Variants in DCC observed in about 807,000 individuals in gnomAD.
DCC encodes the protein DCC netrin 1 receptor.
Under a neutral mutation model 172.5 loss-of-function variants are expected in DCC, and 58 were observed. The observed-to-expected ratio is 0.34, with a 90% CI of 0.27 to 0.42. The LOEUF (loss-of-function observed/expected upper bound fraction) is 0.42. Among genes scored for constraint, DCC ranks in the 10% least tolerant of loss-of-function variants. DCC has a pLI of 1.00. For synonymous variants in DCC, 709 were observed against 644.5 expected (o/e 1.10, Z -1.52); for missense variants, 1,740 against 1,791.0 (o/e 0.97, Z 0.51).
intron 15 of DCC, among the ~76,000 whole-genome samples, chr18:53,351,317 A>ATAT (rs1568074591): frequency 3.3e-4 from 8 of 23,912 alleles, no homozygotes; most frequent in South Asian, 2.5e-3. Context: ...ATATATATAC[A>ATAT]CTGTATATAT....
chr18:53,501,037 G>C (rs2046091647), intron 27 of DCC, among the ~76,000 whole-genome samples: 1 of 152,166 alleles, frequency 6.6e-6, no homozygotes, highest in Admixed American at 6.5e-5. Flanking sequence ...CCAAGAGTAT[G>C]CTTCCTTGTG....
intron 1 of DCC, among the ~76,000 whole-genome samples, chr18:52,712,250 C>T (rs1254798184): frequency 3.3e-5 from 5 of 151,960 alleles, no homozygotes; most frequent in Non-Finnish European, 2.9e-5. Flanking sequence ...TGAGGCATTG[C>T]GCCCAGCCTC....
At chr18:52,578,854 G>C (rs1461124251) in intron 1 of DCC, among the ~76,000 whole-genome samples, 12 of 152,058 alleles carry the variant, frequency 7.9e-5, no homozygotes, top group Admixed American at 7.9e-4. Flanking sequence ...AAAACAATTA[G>C]CCTGTAATCC....
chr18:52,817,803 A>ATATGTGTG (rs375371359), intron 2 of DCC, among the ~76,000 whole-genome samples: 1 of 151,428 alleles, frequency 6.6e-6, no homozygotes, highest in African/African-American at 2.4e-5. Flanking sequence ...ATATATATAT[A>ATATGTGTG]TGTGTGTGTG....
chr18:52,875,104 G>C (rs1205625339), intron 2 of DCC, among the ~76,000 whole-genome samples: 1 of 152,078 alleles, frequency 6.6e-6, no homozygotes, highest in Non-Finnish European at 1.5e-5. Context: ...CAATGTTCCA[G>C]GCGAGGTCCT....
At chr18:53,002,490 C>G (rs939834162) in intron 5 of DCC, among the ~76,000 whole-genome samples, 3 of 151,954 alleles carry the variant, frequency 2.0e-5, no homozygotes, top group South Asian at 4.2e-4. Flanking sequence ...GGAAAGTGAC[C>G]CAGAATATCA....
intron 1 of DCC, among the ~76,000 whole-genome samples, chr18:52,564,649 T>C (rs1270753177): frequency 7.9e-6 from 1 of 126,700 alleles, no homozygotes; most frequent in Non-Finnish European, 1.6e-5. Context: ...GGGTATGGGA[T>C]ATCTTTTATT....
chr18:53,295,844 G>T (rs2057060896), intron 12 of DCC, among the ~76,000 whole-genome samples: 1 of 152,096 alleles, frequency 6.6e-6, no homozygotes, highest in African/African-American at 2.4e-5. Flanking sequence ...CATTCTTGAT[G>T]ACTTGTCCTC....
At chr18:52,624,347 A>G (rs955757860) in intron 1 of DCC, among the ~76,000 whole-genome samples, 5 of 152,212 alleles carry the variant, frequency 3.3e-5, no homozygotes, top group Non-Finnish European at 7.3e-5. Context: ...TTTTTGTTAC[A>G]TAGTTTTACT....
chr18:53,386,207 A>C, intron 16 of DCC, 69 bp downstream of exon 16: 1 of 1,024,672 alleles, frequency 9.8e-7, no homozygotes, highest in South Asian at 1.3e-5. Context: ...AAAAACTAAA[A>C]TAAAATACAA....
chr18:53,185,132 A>G (rs1328652430), intron 9 of DCC, among the ~76,000 whole-genome samples: 2 of 152,182 alleles, frequency 1.3e-5, no homozygotes, highest in African/African-American at 2.4e-5. Flanking sequence ...ATGTAAAAAA[A>G]TGTTTTCAGG....
intron 7 of DCC, among the ~76,000 whole-genome samples, chr18:53,101,197 A>AT: frequency 6.6e-6 from 1 of 152,094 alleles, no homozygotes; most frequent in South Asian, 2.1e-4. Context: ...CCCAAGGTCG[A>AT]TTGTGAACAC....
rs566793986 is a variant in DCC at position 53,239,056 on chromosome 18, A to AG, written c.1911+23465dup. Among the ~76,000 whole-genome samples the AG allele has an allele frequency of 6.2e-4, 18 of 29,030 alleles. No homozygotes were observed. In the South Asian group the frequency reaches 0.022, roughly 35 times the overall value. 19.0% of individuals were successfully genotyped at this position (29,030 alleles called of 152,430 possible). Reference sequence around the variant, plus strand: ...CCGGGGCCTGTTGTGGAGTGGGGGGAGGGGGGAGGGATAGCATTAGGAGAT... The same window carrying AG: ...CCGGGGCCTGTTGTGGAGTGGGGGGAGGGGGGGAGGGATAGCATTAGGAGAT... On this transcript the variant is annotated intron_variant, in intron 12 of 28. Transcript: ENST00000442544.
chr18:53,052,838 A>G (rs1178919648), intron 5 of DCC, among the ~76,000 whole-genome samples: 1 of 151,938 alleles, frequency 6.6e-6, no homozygotes, highest in Non-Finnish European at 1.5e-5. Context: ...AGTAATTGCA[A>G]CTTCTTCTCA....
intron 10 of DCC, among the ~76,000 whole-genome samples, chr18:53,206,207 A>G (rs2055628574): frequency 5.4e-5 from 1 of 18,554 alleles, no homozygotes; most frequent in Admixed American, 6.1e-4. Flanking sequence ...TATATAATAC[A>G]TATACATGTG....
At chr18:53,428,082 A>C (rs1256135067) in intron 21 of DCC, among the ~76,000 whole-genome samples, 10 of 15,690 alleles carry the variant, frequency 6.4e-4, no homozygotes, top group African/African-American at 1.8e-3. Context: ...ATAATATATT[A>C]TAATAATATA....
At chr18:53,241,622 G>A (rs943634280) in intron 12 of DCC, among the ~76,000 whole-genome samples, 1 of 152,144 alleles carries the variant, frequency 6.6e-6, no homozygotes, top group Non-Finnish European at 1.5e-5. Flanking sequence ...ACCAGGCAGA[G>A]GTACCTCTGC....
chr18:52,910,403 G>A (rs143450010), intron 3 of DCC, among the ~76,000 whole-genome samples: 1 of 152,202 alleles, frequency 6.6e-6, no homozygotes, highest in East Asian at 1.9e-4. Flanking sequence ...TTAGTACCTA[G>A]TTTCATTTGT....
rs1248773118 is a variant in DCC, at chr18:52,841,666, T to C, written c.413-64378T>C. Reference sequence around the variant, plus strand: ...AAATAGGTTCACTGGGTATAGTGGGTGCTATTGGTGACCTGTCCAGACCCA... The same window carrying C: ...AAATAGGTTCACTGGGTATAGTGGGCGCTATTGGTGACCTGTCCAGACCCA... On this transcript the variant is annotated intron_variant, in intron 2 of 28. Coordinates refer to ENST00000442544, the MANE Select transcript of DCC (RefSeq NM_005215.4). Among the ~76,000 whole-genome samples the C allele has an allele frequency of 2.6e-5, 4 of 152,070 alleles. No individual in the cohort carries two copies. In the East Asian group the frequency reaches 7.7e-4, roughly 29 times the overall value.
Sources: allele counts gnomAD v4.1 joint callset (sites outside exome capture counted in the v4.1 genomes callset), GRCh38; gene constraint gnomAD v4.1.1; transcripts MANE v1.5; gene names NCBI Gene and HGNC (gene_info 2026-07-23, HGNC 2026-07-21).